The following TRHDE variants were observed in gnomAD, a reference collection of about 807,000 sequenced individuals.
The protein encoded by TRHDE is thyrotropin releasing hormone degrading enzyme.
TRHDE carries 72 observed loss-of-function variants against 125.7 expected under a neutral mutation model. The ratio of observed to expected loss-of-function variants is 0.57; its 90% confidence interval spans 0.47 to 0.70. TRHDE has a LOEUF of 0.70. Among genes scored for constraint, TRHDE ranks in the 30% least tolerant of loss-of-function variants. The pLI is 0.00. For missense variants in TRHDE, 1,110 were observed against 1,327.1 expected (o/e 0.84, Z 2.54); for synonymous variants, 509 against 509.1 (o/e 1.00, Z 0.00).
At chr12:72,546,418 T>C (rs1330493492) in intron 7 of TRHDE, among the ~76,000 whole-genome samples, 4 of 151,662 alleles carry the variant, frequency 2.6e-5, no homozygotes, top group Non-Finnish European at 5.9e-5. Context: ...TATTCTGTTA[T>C]AATGTTCTAT....
chr12:72,456,646 C>T (rs1256792343), intron 3 of TRHDE, among the ~76,000 whole-genome samples: 1 of 151,936 alleles, frequency 6.6e-6, no homozygotes, highest in Non-Finnish European at 1.5e-5. Context: ...TCTATTATGT[C>T]AATTCCCTGA....
intron 17 of TRHDE, among the ~76,000 whole-genome samples, chr12:72,655,307 A>G (rs980989119): frequency 1.3e-5 from 2 of 152,134 alleles, no homozygotes; most frequent in Non-Finnish European, 2.9e-5. Flanking sequence ...TCCTGAGCTC[A>G]AGCAATCCAC....
chr12:72,306,434 T>C (rs1868342354), intron 2 of TRHDE, among the ~76,000 whole-genome samples: 1 of 152,194 alleles, frequency 6.6e-6, no homozygotes, highest in African/African-American at 2.4e-5. Context: ...ATACATAAAA[T>C]TCTAGTACTG....
At chr12:72,606,460 G>A (rs1013887914) in intron 12 of TRHDE, among the ~76,000 whole-genome samples, 1 of 152,130 alleles carries the variant, frequency 6.6e-6, no homozygotes, top group South Asian at 2.1e-4. Context: ...CCACCTTTGT[G>A]TGGCACTTTA....
At chr12:72,107,892 A>G (rs1032707876) in intron 2 of TRHDE, among the ~76,000 whole-genome samples, 7 of 152,148 alleles carry the variant, frequency 4.6e-5, no homozygotes, top group Non-Finnish European at 8.8e-5. Context: ...ACTGTTTCAC[A>G]TGTTGGTTTA....
At chr12:72,264,425 C>T (rs1015822613) in intron 2 of TRHDE, 2 of 151,874 alleles carry the variant, frequency 1.3e-5, no homozygotes, top group African/African-American at 4.8e-5. Flanking sequence ...AGAAATGATA[C>T]TAAGTTAAAA....
chr12:72,159,521 T>G (rs1876591027), intron 2 of TRHDE, among the ~76,000 whole-genome samples: 1 of 152,234 alleles, frequency 6.6e-6, no homozygotes, highest in Admixed American at 6.5e-5. Flanking sequence ...TTTGTTAACC[T>G]TGAACTGCCA....
At chr12:72,108,470 C>G (rs79449265) in intron 2 of TRHDE, among the ~76,000 whole-genome samples, 3,797 of 152,162 alleles carry the variant, frequency 0.025, 106 homozygotes, top group East Asian at 0.11. Flanking sequence ...AGGCTAACAT[C>G]ATCCTGTTTG....
In TRHDE at chr12:72,232,065, G is replaced by A. The variant is rs1213085029; in HGVS notation, n.279+126313G>A. 3.3e-5 allele frequency among the ~76,000 whole-genome samples: 5 copies of A among 152,184 alleles called. No homozygotes were observed. The East Asian group carries it at 5.8e-4, about 18-fold the overall frequency. ...GATTTTGGTTTTATTCAGGTATGGC[G>A]GGGCCAAGAGATAAAGAGACAACTG... On this transcript the variant is annotated intron_variant and non_coding_transcript_variant, in intron 2 of 4. Coordinates refer to the TRHDE transcript ENST00000548156.
At chr12:72,195,978 A>C (rs1212000029) in intron 2 of TRHDE, among the ~76,000 whole-genome samples, 1 of 152,166 alleles carries the variant, frequency 6.6e-6, no homozygotes, top group Non-Finnish European at 1.5e-5. Flanking sequence ...TTTATTGAAT[A>C]GGGAGTGCTT....
chr12:72,242,094 A>AT (rs1878493179), intron 2 of TRHDE, among the ~76,000 whole-genome samples: 1 of 152,226 alleles, frequency 6.6e-6, no homozygotes, highest in Admixed American at 6.5e-5. Context: ...TCTACACATT[A>AT]TTTCATCATT....
At chr12:72,506,962 T>A (rs1422324754) in intron 6 of TRHDE, among the ~76,000 whole-genome samples, 1 of 152,136 alleles carries the variant, frequency 6.6e-6, no homozygotes, top group African/African-American at 2.4e-5. Context: ...CTTGCTGTTC[T>A]CCTGATAGTG....
chr12:72,547,751 T>A (rs538085148), intron 7 of TRHDE, among the ~76,000 whole-genome samples: 1 of 151,698 alleles, frequency 6.6e-6, no homozygotes, highest in Non-Finnish European at 1.5e-5. Context: ...TAGCAATAAT[T>A]CCAAAGAGTA....
At chr12:72,260,275 C>T (rs1213462475) in intron 2 of TRHDE, among the ~76,000 whole-genome samples, 1 of 152,136 alleles carries the variant, frequency 6.6e-6, no homozygotes, top group Non-Finnish European at 1.5e-5. Context: ...CCAGGAGAAC[C>T]ATCATTTGGT....
chr12:72,551,972 T>G (rs1373987880), intron 7 of TRHDE, among the ~76,000 whole-genome samples: 1 of 152,040 alleles, frequency 6.6e-6, no homozygotes, highest in African/African-American at 2.4e-5. Context: ...TACAAAGGGT[T>G]AAGACAAGAA....
chr12:72,532,414 T>A (rs1232286789), intron 6 of TRHDE, among the ~76,000 whole-genome samples: 1 of 151,396 alleles, frequency 6.6e-6, no homozygotes, highest in African/African-American at 2.4e-5. Flanking sequence ...ACTGCTTTAT[T>A]TTTTAAATTT....
intron 3 of TRHDE, among the ~76,000 whole-genome samples, chr12:72,405,432 A>G (rs1335334479): frequency 2.6e-5 from 4 of 152,142 alleles, no homozygotes; most frequent in Non-Finnish European, 5.9e-5. Flanking sequence ...TTATCTGTAC[A>G]TTGGCATCTC....
intron 3 of TRHDE, among the ~76,000 whole-genome samples, chr12:72,469,138 C>T (rs925604790): frequency 4.6e-5 from 7 of 152,168 alleles, no homozygotes; most frequent in Non-Finnish European, 1.0e-4. Context: ...AAGTGATTTA[C>T]TAATGTCGCA....
chr12:72,428,107 A>G (rs1874268232), intron 3 of TRHDE, among the ~76,000 whole-genome samples: 1 of 152,132 alleles, frequency 6.6e-6, no homozygotes. Context: ...TTTGGTTCAT[A>G]TTATTTCATA....
Sources: gnomAD v4.1 joint callset for allele counts (sites outside exome capture counted in the v4.1 genomes callset) on GRCh38, gnomAD v4.1.1 for gene constraint, MANE v1.5 for transcripts, NCBI Gene and HGNC (gene_info 2026-07-23, HGNC 2026-07-21) for gene names.